Variants in TRIM33 observed in about 807,000 individuals in gnomAD.
The protein encoded by TRIM33 is tripartite motif containing 33.
In TRIM33, 20 loss-of-function variants were observed where a neutral mutation model predicts 125.4. The observed-to-expected ratio is 0.16, with a 90% confidence interval of 0.11 to 0.23. The LOEUF (loss-of-function observed/expected upper bound fraction) is 0.23. TRIM33 is among the 10% of genes least tolerant of loss of function. The probability of loss-of-function intolerance (pLI) is 1.00; values close to 1 mark genes in which losing one functional copy is unlikely to be tolerated. For missense variants in TRIM33, 920 were observed against 1,411.4 expected (o/e 0.65, Z 5.58); for synonymous variants, 564 against 513.9 (o/e 1.10, Z -1.32).
intron 1 of TRIM33, chr1:114,468,652 C>A: frequency 2.3e-6 from 1 of 425,920 alleles, no homozygotes; most frequent in Non-Finnish European, 4.7e-6. Context: ...CCAGCTGAAC[C>A]AGAGTATGAC....
In TRIM33 at chr1:114,399,617, A is replaced by G; in HGVS notation, c.2968-8T>C. On this transcript the variant is annotated splice_polypyrimidine_tract_variant and splice_region_variant and intron_variant, in intron 17 of 19. Coordinates refer to ENST00000358465, the MANE Select transcript of TRIM33 (RefSeq NM_015906.4). The stretch of plus-strand genomic sequence containing the variant: ...TTTATAGTAGTTTGGTATCTAAAAT[A>G]AGCACATAATGGCAAATAAGAATTC... 6.3e-7 allele frequency: 1 copy of G among 1,585,820 alleles called. No individual in the cohort carries two copies. The highest frequency in any genetic ancestry group is 8.6e-7 in the Non-Finnish European group (1 of 1,162,158).
intron 4 of TRIM33, among the ~76,000 whole-genome samples, chr1:114,450,257 C>A (rs752578993): frequency 1.3e-5 from 2 of 152,094 alleles, no homozygotes; most frequent in Non-Finnish European, 2.9e-5. Context: ...AAAATTCCGT[C>A]TCAAAAAAAG....
chr1:114,403,368 G>A (rs1409762342), intron 15 of TRIM33, among the ~76,000 whole-genome samples: 61 of 152,122 alleles, frequency 4.0e-4, no homozygotes, highest in Non-Finnish European at 2.9e-5. Context: ...ACAAGCACAT[G>A]TATATATACC....
chr1:114,395,237 C>A lies in TRIM33; in HGVS notation c.*2411G>T. ...ATGTTGATAGCTATTAATAGTAATT[C>A]CTCAGCAGTATACATTATCTTAACA... On this transcript the variant is annotated 3_prime_UTR_variant, in exon 20 of 20. Coordinates refer to ENST00000358465, the MANE Select transcript of TRIM33 (RefSeq NM_015906.4). The A allele has an allele frequency of 4.9e-6, 1 of 205,658 alleles. No homozygotes were observed. Among genetic ancestry groups the A allele is most frequent in the Middle Eastern group, 1.6e-3 (1 of 632 alleles). 12.7% of individuals were successfully genotyped at this position (205,658 alleles called of 1,614,324 possible). A position where few individuals can be genotyped will look rare whatever the true frequency, so the allele number is the denominator to read the frequency against.
Position 114,510,811 on chromosome 1 carries a change from A to C in TRIM33, c.266T>G (p.Val89Gly). The C allele has an allele frequency of 6.6e-7, 1 of 1,516,006 alleles. No homozygotes were observed. Among genetic ancestry groups the C allele is most frequent in the South Asian group, 1.2e-5 (1 of 81,846 alleles). The allele number at this position is 1,516,006 out of a possible 1,614,324, so 93.9% of individuals were successfully genotyped here. A position where few individuals can be genotyped will look rare whatever the true frequency, so the allele number is the denominator to read the frequency against. ...CGGCGTCGATACTGCGCCCCCGGCA[A>C]CTCCAGTGCCCACTGAGGCCGCAGG... ...SSPAASVGTG[V>G]AGGAVSTPAP... The change falls in exon 1 of 20, where the codon GTT becomes GGT. Residue 89 changes from valine (V) to glycine (G), a missense_variant. Coordinates refer to ENST00000358465, the MANE Select transcript of TRIM33 (RefSeq NM_015906.4).
At chr1:114,405,365 T>C (rs1218193697) in intron 15 of TRIM33, 45 bp downstream of exon 15, 1 of 1,443,606 alleles carries the variant, frequency 6.9e-7, no homozygotes, top group Non-Finnish European at 9.5e-7. Flanking sequence ...TATTTATTTT[T>C]AGCTTATGAA....
chr1:114,445,880 CAG>C (rs531492099), intron 4 of TRIM33, among the ~76,000 whole-genome samples: 2 of 152,096 alleles, frequency 1.3e-5, no homozygotes, highest in Admixed American at 6.6e-5. Flanking sequence ...GTTTTTGAGA[CAG>C]AGTCTCGCTT....
chr1:114,488,807 A>G (rs1337558812), intron 1 of TRIM33, among the ~76,000 whole-genome samples: 3 of 152,146 alleles, frequency 2.0e-5, no homozygotes, highest in Non-Finnish European at 4.4e-5. Flanking sequence ...CAGAAGAACC[A>G]AAACGATCTT....
intron 7 of TRIM33, 26 bp downstream of exon 7, chr1:114,427,722 A>G: frequency 2.5e-6 from 4 of 1,599,380 alleles, no homozygotes; most frequent in Non-Finnish European, 3.4e-6. Flanking sequence ...TCCATTAAAG[A>G]AAAATAAAAA....
intron 4 of TRIM33, among the ~76,000 whole-genome samples, chr1:114,434,194 A>C (rs1485000029): frequency 1.3e-5 from 2 of 152,142 alleles, no homozygotes; most frequent in Non-Finnish European, 2.9e-5. Flanking sequence ...TTTTTTAATA[A>C]AGACAAGGTC....
At chr1:114,402,681 T>C in intron 16 of TRIM33, 79 bp downstream of exon 16, 1 of 1,489,132 alleles carries the variant, frequency 6.7e-7, no homozygotes, top group East Asian at 2.3e-5. Context: ...TTGTGTATGC[T>C]ACACAGGAAA....
intron 1 of TRIM33, among the ~76,000 whole-genome samples, chr1:114,497,050 T>C (rs758817491): frequency 6.6e-6 from 1 of 152,230 alleles, no homozygotes; most frequent in Non-Finnish European, 1.5e-5. Context: ...TCACTCTTCT[T>C]TGAAATGATA....
intron 1 of TRIM33, among the ~76,000 whole-genome samples, chr1:114,482,303 C>A (rs1651407693): frequency 6.6e-6 from 1 of 152,134 alleles, no homozygotes; most frequent in Non-Finnish European, 1.5e-5. Context: ...GCAATCATCT[C>A]AACATGCCCC....
intron 10 of TRIM33, among the ~76,000 whole-genome samples, chr1:114,423,850 A>G (rs1647369107): frequency 6.6e-6 from 1 of 152,156 alleles, no homozygotes; most frequent in African/African-American, 2.4e-5. Context: ...AGTACTCCCC[A>G]CCTAGAAATT....
In TRIM33 at chr1:114,481,675, GTATA is replaced by G. The variant is rs34435178; in HGVS notation, c.527-17291_527-17288del. On this transcript the variant is annotated intron_variant, in intron 1 of 19. Transcript: ENST00000358465. ...TGTGTGTGTGTGTATATATATGTGT[GTATA>G]TATATATATATGTGTGTATATATAT... 2.0e-3 allele frequency among the ~76,000 whole-genome samples: 290 copies of G among 147,690 alleles called. 3 individuals carry two copies. Among genetic ancestry groups the G allele is most frequent in the African/African-American group, 6.7e-3 (268 of 40,184 alleles).
chr1:114,415,632 G>A (rs1652885447), intron 11 of TRIM33, among the ~76,000 whole-genome samples: 1 of 151,988 alleles, frequency 6.6e-6, no homozygotes, highest in African/African-American at 2.4e-5. Flanking sequence ...GTACCAATAA[G>A]CTCACTGTTT....
intron 10 of TRIM33, among the ~76,000 whole-genome samples, chr1:114,423,061 C>T (rs1188267869): frequency 6.6e-6 from 1 of 152,066 alleles, no homozygotes; most frequent in African/African-American, 2.4e-5. Context: ...TAACCAGAAG[C>T]AGGAGGTAAA....
intron 1 of TRIM33, among the ~76,000 whole-genome samples, chr1:114,507,459 T>A (rs1653067957): frequency 6.6e-6 from 1 of 152,222 alleles, no homozygotes; most frequent in Non-Finnish European, 1.5e-5. Context: ...CATCATTGTT[T>A]CAAAATCACT....
chr1:114,413,728 A>T (rs2101119759), intron 11 of TRIM33, among the ~76,000 whole-genome samples: 1 of 151,968 alleles, frequency 6.6e-6, no homozygotes, highest in African/African-American at 2.4e-5. Context: ...TTACTTAAAA[A>T]AATTACAGGA....
Sources: allele counts gnomAD v4.1 joint callset (sites outside exome capture counted in the v4.1 genomes callset), GRCh38; gene constraint gnomAD v4.1.1; transcripts MANE v1.5; gene names NCBI Gene and HGNC (gene_info 2026-07-23, HGNC 2026-07-21).